LRRC72: variants seen among roughly 807,000 people sequenced by gnomAD.
The protein encoded by LRRC72 is leucine rich repeat containing 72.
Under a neutral mutation model 35.8 loss-of-function variants are expected in LRRC72, and 41 were observed. The observed-to-expected ratio is 1.15, with a 90% CI of 0.89 to 1.49. The LOEUF is 1.49. LRRC72 is among the 40% of genes most tolerant of loss of function. The pLI is 0.00. For missense variants in LRRC72, 389 were observed against 330.7 expected, an observed-to-expected ratio of 1.18 and a Z score of -1.37; for synonymous variants, 118 against 119.2, an observed-to-expected ratio of 0.99 and a Z score of 0.07.
At chr7:16,566,236 A>AT (rs11463350) in intron 5 of LRRC72, 77 bp from the exon 6 acceptor site, 488,047 of 842,182 alleles carry the variant, frequency 0.58, 148,263 homozygotes, top group African/African-American at 0.86. Context: ...GAATCTCTTA[A>AT]TTTTTTGTAT....
chr7:16,531,324 C>T (rs1233289733), intron 1 of LRRC72, among the ~76,000 whole-genome samples: 1 of 152,142 alleles, frequency 6.6e-6, no homozygotes, highest in African/African-American at 2.4e-5. Flanking sequence ...AATGCCTAAA[C>T]CTGAGCCTAT....
chr7:16,531,304 C>T (rs10244202), intron 1 of LRRC72, among the ~76,000 whole-genome samples: 13,082 of 152,026 alleles, frequency 0.086, 669 homozygotes, highest in African/African-American at 0.13. Context: ...TAACAAAGCA[C>T]CCTGATGGCA....
At chr7:16,563,602 A>G (rs1782778926) in intron 5 of LRRC72, among the ~76,000 whole-genome samples, 1 of 152,238 alleles carries the variant, frequency 6.6e-6, no homozygotes, top group Non-Finnish European at 1.5e-5. Context: ...CAGGAAACTG[A>G]TTTCACATCT....
Position 16,526,982 on chromosome 7 carries a change from T to A in LRRC72, c.30T>A (p.Arg10=). Residue 10 remains arginine, a synonymous_variant, in exon 1 of 9, where the codon CGT becomes CGA. Transcript: ENST00000401542. ...CCTGGGACCCGAACCCCGTGCCCCG[T>A]ACCTTGCGATGCTGGCGCCTACGGA... MSWDPNPVP[R]TLRCWRLRRA... The A allele has an allele frequency of 6.5e-7, 1 of 1,540,022 alleles. No homozygotes were observed. The highest frequency in any genetic ancestry group is 8.7e-7 in the Non-Finnish European group (1 of 1,146,924).
At chr7:16,546,127 T>C (rs1415314825) in intron 3 of LRRC72, among the ~76,000 whole-genome samples, 1 of 152,168 alleles carries the variant, frequency 6.6e-6, no homozygotes, top group Admixed American at 6.5e-5. Flanking sequence ...TAATTTAGGG[T>C]ATATTATTAA....
At chr7:16,529,116 T>A (rs1428849627) in intron 1 of LRRC72, among the ~76,000 whole-genome samples, 1 of 152,196 alleles carries the variant, frequency 6.6e-6, no homozygotes, top group Non-Finnish European at 1.5e-5. Context: ...AAGTACACAC[T>A]TCTGAGCCTA....
chr7:16,558,582 C>CA (rs1782691153), intron 4 of LRRC72, among the ~76,000 whole-genome samples: 1 of 151,746 alleles, frequency 6.6e-6, no homozygotes, highest in Non-Finnish European at 1.5e-5. Flanking sequence ...TGCACTCCAG[C>CA]CTGGGCAACA....
intron 3 of LRRC72, among the ~76,000 whole-genome samples, chr7:16,548,164 G>T (rs1782481810): frequency 6.6e-6 from 1 of 152,224 alleles, no homozygotes. Flanking sequence ...ATGGACAGGA[G>T]CTGCCCACTG....
chr7:16,570,187 G>T (rs1583652322), intron 7 of LRRC72, among the ~76,000 whole-genome samples: 1 of 152,310 alleles, frequency 6.6e-6, no homozygotes, highest in Non-Finnish European at 1.5e-5. Context: ...GAGTCCTAAA[G>T]AATGTATAGT....
At chr7:16,529,927 G>A (rs372126303) in intron 1 of LRRC72, among the ~76,000 whole-genome samples, 3 of 152,288 alleles carry the variant, frequency 2.0e-5, no homozygotes, top group South Asian at 4.1e-4. Context: ...CCTAGAAAGT[G>A]AAAGTCCCTC....
chr7:16,527,453 G>C (rs933594972), intron 1 of LRRC72, among the ~76,000 whole-genome samples: 2 of 126,434 alleles, frequency 1.6e-5, no homozygotes, highest in African/African-American at 2.7e-5. Flanking sequence ...TTCTCCAACA[G>C]GGGTGTGTGT....
At chr7:16,564,705 A>G (rs1782798608) in intron 5 of LRRC72, among the ~76,000 whole-genome samples, 1 of 152,126 alleles carries the variant, frequency 6.6e-6, no homozygotes, top group Admixed American at 6.6e-5. Context: ...CGTTTTCCAC[A>G]GGGAATAGCT....
At position 16,576,264 on chromosome 7, in the gene LRRC72, T is replaced by C. The variant is rs571481398; in HGVS notation, c.671-3810T>C. Among the ~76,000 whole-genome samples the C allele has an allele frequency of 1.2e-4, 19 of 152,304 alleles. 1 individual carries two copies. Among genetic ancestry groups the C allele is most frequent in the East Asian group, 1.2e-3 (6 of 5,182 alleles). Reference sequence around the variant, plus strand: ...ACGCGCTATGTAAATTTTTAAAATTTATCCATATAGTTTTGCAGCTTCTAT... The same window carrying C: ...ACGCGCTATGTAAATTTTTAAAATTCATCCATATAGTTTTGCAGCTTCTAT... On this transcript the variant is annotated intron_variant, in intron 7 of 8. Transcript: ENST00000401542.
chr7:16,575,112 C>G (rs981648189), intron 7 of LRRC72, among the ~76,000 whole-genome samples: 1 of 138,634 alleles, frequency 7.2e-6, no homozygotes, highest in South Asian at 2.6e-4. Context: ...AAGACTCTGT[C>G]TCAGAAAAAG....
intron 3 of LRRC72, among the ~76,000 whole-genome samples, chr7:16,550,880 C>A (rs1290654477): frequency 6.6e-6 from 1 of 152,202 alleles, no homozygotes; most frequent in African/African-American, 2.4e-5. Context: ...CTATTCAGAG[C>A]TAAGCCATGT....
At chr7:16,565,487 G>GA (rs774486108) in intron 5 of LRRC72, among the ~76,000 whole-genome samples, 2 of 150,774 alleles carry the variant, frequency 1.3e-5, no homozygotes, top group East Asian at 3.9e-4. Context: ...ACATTGTATT[G>GA]AAAAAATATG....
intron 7 of LRRC72, among the ~76,000 whole-genome samples, chr7:16,576,763 A>T (rs1406114816): frequency 6.6e-6 from 1 of 152,222 alleles, no homozygotes; most frequent in African/African-American, 2.4e-5. Context: ...GTGGTCCAAA[A>T]GTGAAGCTGC....
chr7:16,566,497 G>A, intron 6 of LRRC72, 95 bp downstream of exon 6: 1 of 634,782 alleles, frequency 1.6e-6, no homozygotes, highest in Non-Finnish European at 2.5e-6. Context: ...ATATGTCTTT[G>A]TAAAAAATAT....
chr7:16,554,419 A>C (rs529454123), intron 3 of LRRC72, among the ~76,000 whole-genome samples: 1 of 152,302 alleles, frequency 6.6e-6, no homozygotes, highest in African/African-American at 2.4e-5. Context: ...TGACCTTAAC[A>C]ACTTGCTATC....
Sources: gnomAD v4.1 joint callset for allele counts (sites outside exome capture counted in the v4.1 genomes callset) on GRCh38, gnomAD v4.1.1 for gene constraint, MANE v1.5 for transcripts, NCBI Gene and HGNC (gene_info 2026-07-23, HGNC 2026-07-21) for gene names.